Variants in IGSF21 observed in about 807,000 individuals in gnomAD.
IGSF21 encodes the protein immunoglobulin superfamily member 21.
In IGSF21, 28 loss-of-function variants were observed where a neutral mutation model predicts 46.8. The observed-to-expected ratio is 0.60, with a 90% CI of 0.44 to 0.82. IGSF21 has a LOEUF of 0.82. IGSF21 is among the 40% of genes least tolerant of loss of function. The pLI is 0.00. For missense variants in IGSF21, 624 were observed against 665.5 expected (o/e 0.94, Z 0.69); for synonymous variants, 284 against 273.6 (o/e 1.04, Z -0.38).
At chr1:18,250,496 C>A (rs1401360759) in intron 2 of IGSF21, among the ~76,000 whole-genome samples, 1 of 152,186 alleles carries the variant, frequency 6.6e-6, no homozygotes, top group Non-Finnish European at 1.5e-5. Context: ...CCTGGCCACC[C>A]ACCCGTCACC....
At chr1:18,190,648 T>C (rs2086946486) in intron 1 of IGSF21, among the ~76,000 whole-genome samples, 1 of 152,210 alleles carries the variant, frequency 6.6e-6, no homozygotes, top group Admixed American at 6.5e-5. Flanking sequence ...CTCCTCAGAC[T>C]TCATCTCTGG....
intron 1 of IGSF21, among the ~76,000 whole-genome samples, chr1:18,128,594 CAGGCCCCAGGGA>C (rs1010364791): frequency 6.6e-6 from 1 of 152,164 alleles, no homozygotes; most frequent in African/African-American, 2.4e-5. Flanking sequence ...AAGAGCATTC[CAGGCCCCAGGGA>C]AGCAATTCTA....
chr1:18,178,919 C>G lies in IGSF21; in HGVS notation c.71-48979C>G, dbSNP rs1215758551. The G allele has an allele frequency of 3.3e-5, 5 of 152,218 alleles. No individual in the cohort carries two copies. The East Asian group carries it at 9.6e-4, about 29-fold the overall frequency. 9.4% of individuals were successfully genotyped at this position (152,218 alleles called of 1,614,324 possible). ...GGCATAAGTTAGATAACCGTGACAC[C>G]TGTTTTAAATTAGCCTTCAGAAGCC... On this transcript the variant is annotated intron_variant, in intron 1 of 9. Coordinates refer to ENST00000251296, the MANE Select transcript of IGSF21 (RefSeq NM_032880.5).
At chr1:18,339,054 C>G (rs2085801580) in intron 4 of IGSF21, among the ~76,000 whole-genome samples, 1 of 152,202 alleles carries the variant, frequency 6.6e-6, no homozygotes, top group Non-Finnish European at 1.5e-5. Flanking sequence ...CGAGTGGGGC[C>G]CTTTCAACCC....
intron 1 of IGSF21, among the ~76,000 whole-genome samples, chr1:18,182,081 C>T (rs371504786): frequency 4.1e-4 from 62 of 151,648 alleles, no homozygotes; most frequent in African/African-American, 1.4e-3. Flanking sequence ...CTTTATTTAT[C>T]GGGACAAGTC....
chr1:18,245,432 G>A (rs1569618758), intron 2 of IGSF21, among the ~76,000 whole-genome samples: 1 of 152,258 alleles, frequency 6.6e-6, no homozygotes. Context: ...GAGCTCTCAA[G>A]TATTTGTTTT....
intron 3 of IGSF21, among the ~76,000 whole-genome samples, chr1:18,331,792 G>A (rs1011986613): frequency 3.9e-5 from 6 of 152,224 alleles, no homozygotes; most frequent in Non-Finnish European, 7.3e-5. Flanking sequence ...TGGAGATGGA[G>A]GGAAGTGGAT....
intron 4 of IGSF21, among the ~76,000 whole-genome samples, chr1:18,336,639 C>G (rs547370160): frequency 1.3e-5 from 2 of 152,302 alleles, no homozygotes; most frequent in African/African-American, 4.8e-5. Flanking sequence ...GGCCAGAGTC[C>G]TTAAAAACCA....
At chr1:18,307,116 C>T (rs1314261971) in intron 3 of IGSF21, among the ~76,000 whole-genome samples, 1 of 151,894 alleles carries the variant, frequency 6.6e-6, no homozygotes, top group Non-Finnish European at 1.5e-5. Flanking sequence ...TATTTCCTTC[C>T]TTGACAGGGC....
At chr1:18,139,064 G>T (rs77827446) in intron 1 of IGSF21, among the ~76,000 whole-genome samples, 16,161 of 152,196 alleles carry the variant, frequency 0.11, 1,131 homozygotes, top group Non-Finnish European at 0.15. Context: ...GTGCAGGAGC[G>T]CTCTTCCCTC....
rs1454036755 is a variant in IGSF21 at position 18,377,143 on chromosome 1, G to A, written c.1294+151G>A. 5 of 841,068 alleles carry A rather than the reference G, an allele frequency of 5.9e-6. No homozygotes were observed. In the African/African-American group the frequency reaches 8.6e-5, roughly 14 times the overall value. 52.1% of individuals were successfully genotyped at this position (841,068 alleles called of 1,614,324 possible). On this transcript the variant is annotated intron_variant, in intron 8 of 9. Transcript: ENST00000251296. ...TGAGAGGGTGCCCCACTGGGAGGCA[G>A]GGTCGCTCAGTGGTTACAACTATAA... is the stretch of plus-strand genomic sequence containing the variant.
chr1:18,301,218 C>T (rs223165), intron 3 of IGSF21, among the ~76,000 whole-genome samples: 6,822 of 152,270 alleles, frequency 0.045, 525 homozygotes, highest in African/African-American at 0.16. Context: ...CCTGGGTTAA[C>T]GCCCAAGCTG....
intron 2 of IGSF21, among the ~76,000 whole-genome samples, chr1:18,243,051 G>A (rs1194858520): frequency 6.6e-6 from 1 of 152,192 alleles, no homozygotes; most frequent in Non-Finnish European, 1.5e-5. Context: ...GGGGAGGCAG[G>A]AGGAGGAGGC....
chr1:18,171,498 G>A (rs560940145), intron 1 of IGSF21, among the ~76,000 whole-genome samples: 2 of 152,276 alleles, frequency 1.3e-5, no homozygotes, highest in Admixed American at 6.5e-5. Context: ...AGAGCAGCTA[G>A]GAACTCAGTC....
intron 2 of IGSF21, among the ~76,000 whole-genome samples, chr1:18,278,585 G>T (rs2085127702): frequency 6.7e-6 from 1 of 149,208 alleles, no homozygotes; most frequent in Admixed American, 6.7e-5. Context: ...ACAGGGTCTT[G>T]TCCTGTCACC....
At position 18,108,099 on chromosome 1, in the gene IGSF21, C is replaced by G. The variant is rs1195360016; in HGVS notation, c.-30C>G. The stretch of plus-strand genomic sequence containing the variant: ...GCCGCCACCGCCTCCACCCCCGCCG[C>G]CCCGCCACCGCCGCCAGCTCCCGGG... On this transcript the variant is annotated 5_prime_UTR_variant, in exon 1 of 10. Coordinates refer to ENST00000251296, the MANE Select transcript of IGSF21 (RefSeq NM_032880.5). 1 of 1,186,670 alleles carries G rather than the reference C, an allele frequency of 8.4e-7. No homozygotes were observed. Among genetic ancestry groups the G allele is most frequent in the South Asian group, 1.6e-5 (1 of 61,018 alleles). The allele number at this position is 1,186,670 out of a possible 1,614,324, so 73.5% of individuals were successfully genotyped here.
At chr1:18,210,239 TC>T (rs1245427142) in intron 1 of IGSF21, among the ~76,000 whole-genome samples, 1 of 152,108 alleles carries the variant, frequency 6.6e-6, no homozygotes, top group East Asian at 1.9e-4. Flanking sequence ...AGCTGGGTGC[TC>T]CCCTGGGAAG....
chr1:18,108,230 C>G, intron 1 of IGSF21, 32 bp downstream of exon 1: 1 of 1,333,214 alleles, frequency 7.5e-7, no homozygotes, highest in Non-Finnish European at 9.6e-7. Context: ...GGGAGCCGAG[C>G]GGTGAACGTG....
In IGSF21 at chr1:18,322,890, G is replaced by A. The variant is rs1301233549; in HGVS notation, c.306-12002G>A. On this transcript the variant is annotated intron_variant, in intron 3 of 9. Coordinates refer to ENST00000251296, the MANE Select transcript of IGSF21 (RefSeq NM_032880.5). This position sits in a 1 kb window ranked among gnomAD's most constrained non-coding sequence, Gnocchi z 4.3. ...GAGATGTCGGAATGGGTGAAGGGGA[G>A]CGGGAAGCGATGGGCCAGGAAGTCA... Among the ~76,000 whole-genome samples, 1 of 152,198 alleles carries A rather than the reference G, an allele frequency of 6.6e-6. No individual in the cohort carries two copies. Among genetic ancestry groups the A allele is most frequent in the African/African-American group, 2.4e-5 (1 of 41,454 alleles).
Sources: gnomAD v4.1 joint callset for allele counts (sites outside exome capture counted in the v4.1 genomes callset) on GRCh38, gnomAD v4.1.1 for gene constraint, Gnocchi (gnomAD v3.1) non-coding constraint, MANE v1.5 for transcripts, NCBI Gene and HGNC (gene_info 2026-07-23, HGNC 2026-07-21) for gene names.